The following C4orf33 variants were observed in gnomAD, a reference collection of about 807,000 sequenced individuals.
C4orf33 encodes UPF0462 protein C4orf33.
Under a neutral mutation model 24.3 loss-of-function variants are expected in C4orf33, and 20 were observed. That is an observed-to-expected ratio of 0.82 (90% CI 0.58 to 1.19). C4orf33 has a LOEUF of 1.19. Among genes scored for constraint, C4orf33 ranks in the 50% most tolerant of loss-of-function variants. The probability of loss-of-function intolerance (pLI) is 0.00; values close to 1 mark genes in which losing one functional copy is unlikely to be tolerated. For synonymous variants in C4orf33, 67 were observed against 76.4 expected (o/e 0.88, Z 0.64); for missense variants, 207 against 225.9 (o/e 0.92, Z 0.54).
intron 3 of C4orf33, among the ~76,000 whole-genome samples, chr4:129,107,826 GTTTTAA>G (rs1319812386): frequency 6.6e-6 from 1 of 151,846 alleles, no homozygotes; most frequent in Admixed American, 6.6e-5. Context: ...TTTGCCCTTA[GTTTTAA>G]TTTTATTAGA....
At chr4:129,103,003 A>G in intron 2 of C4orf33, 1 of 406,742 alleles carries the variant, frequency 2.5e-6, no homozygotes, top group Non-Finnish European at 4.3e-6. Flanking sequence ...AAAAATGGCA[A>G]TTACAAATCC....
chr4:129,106,801 CA>C (rs1753533036), intron 3 of C4orf33, among the ~76,000 whole-genome samples, 154 bp downstream of exon 3: 2 of 151,748 alleles, frequency 1.3e-5, no homozygotes, highest in East Asian at 3.9e-4. Context: ...TTCTTAGTTT[CA>C]AGTACAGAGC....
intron 3 of C4orf33, among the ~76,000 whole-genome samples, chr4:129,109,000 C>T (rs1341457241): frequency 6.6e-6 from 1 of 152,206 alleles, no homozygotes; most frequent in African/African-American, 2.4e-5. Flanking sequence ...GATTCCCCTG[C>T]CTCAGCCTCC....
Position 129,109,367 on chromosome 4 carries a change from A to G in C4orf33, c.294+9A>G, listed in dbSNP as rs780014520. ...GAAGAAATGTGTGGAAAGTAAGTAAATAAAAATAGGAGGCAAAATCATTAC... is the reference window on the plus strand; with the variant it reads ...GAAGAAATGTGTGGAAAGTAAGTAAGTAAAAATAGGAGGCAAAATCATTAC... On this transcript the variant is annotated intron_variant, in intron 4 of 5. Coordinates refer to ENST00000425929, the MANE Select transcript of C4orf33 (RefSeq NM_001099783.2). 5.1e-5 allele frequency: 83 copies of G among 1,613,278 alleles called. No homozygotes were observed. Among genetic ancestry groups the G allele is most frequent in the Middle Eastern group, 3.3e-4 (2 of 6,080 alleles).
At chr4:129,095,541 T>C (rs1639865710), upstream of C4orf33, among the ~76,000 whole-genome samples, 1 of 152,230 alleles carries the variant, frequency 6.6e-6, no homozygotes, top group South Asian at 2.1e-4. Flanking sequence ...TTAATGTTTT[T>C]ATATGACTTT....
In C4orf33 at chr4:129,112,584, A is replaced by T. The variant is rs1313537774; in HGVS notation, c.*793A>T. The T allele has an allele frequency of 6.6e-6, 1 of 152,142 alleles. No homozygotes were observed. The highest frequency in any genetic ancestry group is 1.5e-5 in the Non-Finnish European group (1 of 67,972). 9.4% of individuals were successfully genotyped at this position (152,142 alleles called of 1,614,324 possible). ...CTGCATATATTTGTCAACATTCCTC[A>T]TGCTGTATGTTTAGATTTGTGATTT... On this transcript the variant is annotated 3_prime_UTR_variant, in exon 6 of 6. Transcript: ENST00000425929.
rs1270312225 is a variant in C4orf33 at position 129,115,958 on chromosome 4, T to C, written c.*4167T>C. 1.3e-5 allele frequency: 2 copies of C among 150,868 alleles called. No individual in the cohort carries two copies. The highest frequency in any genetic ancestry group is 3.0e-5 in the Non-Finnish European group (2 of 67,726). 9.3% of individuals were successfully genotyped at this position (150,868 alleles called of 1,614,324 possible). ...CTACTCATTTTCTGATAATTTCTTATCTTAATTTGCTCTGAAAGAGCAAAA... is the reference window on the plus strand; with the variant it reads ...CTACTCATTTTCTGATAATTTCTTACCTTAATTTGCTCTGAAAGAGCAAAA... On this transcript the variant is annotated 3_prime_UTR_variant, in exon 6 of 6. Coordinates refer to ENST00000425929, the MANE Select transcript of C4orf33 (RefSeq NM_001099783.2).
In C4orf33 at chr4:129,116,332, C is replaced by T. The variant is rs936439762; in HGVS notation, c.*4541C>T. 1 of 152,180 alleles carries T rather than the reference C, an allele frequency of 6.6e-6. No homozygotes were observed. Among genetic ancestry groups the T allele is most frequent in the African/African-American group, 2.4e-5 (1 of 41,440 alleles). The allele number at this position is 152,180 out of a possible 1,614,324, so 9.4% of individuals were successfully genotyped here. A position where few individuals can be genotyped will look rare whatever the true frequency, so the allele number is the denominator to read the frequency against. Reference sequence around the variant, plus strand: ...ATTACAATGAAATAATATATAGCTACATCACTGGCTCCTGAGAGAGCTTTG... The same window carrying T: ...ATTACAATGAAATAATATATAGCTATATCACTGGCTCCTGAGAGAGCTTTG... On this transcript the variant is annotated 3_prime_UTR_variant, in exon 6 of 6. Coordinates refer to ENST00000425929, the MANE Select transcript of C4orf33 (RefSeq NM_001099783.2).
At chr4:129,095,110 G>GT (rs1753153174), upstream of C4orf33, among the ~76,000 whole-genome samples, 1 of 152,084 alleles carries the variant, frequency 6.6e-6, no homozygotes, top group Non-Finnish European at 1.5e-5. Context: ...GATCATGATA[G>GT]TTTTTTGTTT....
chr4:129,107,595 TTC>T (rs1435990753), intron 3 of C4orf33, among the ~76,000 whole-genome samples: 4 of 152,006 alleles, frequency 2.6e-5, no homozygotes, highest in African/African-American at 4.8e-5. Context: ...GCTGTTTGCG[TTC>T]TGTTTTTTAA....
At position 129,115,230 on chromosome 4, in the gene C4orf33, G is replaced by C. The variant is rs1167734038; in HGVS notation, c.*3439G>C. The C allele has an allele frequency of 1.3e-5, 2 of 152,306 alleles. No individual in the cohort carries two copies. Among genetic ancestry groups the C allele is most frequent in the East Asian group, 3.9e-4 (2 of 5,184 alleles). 9.4% of individuals were successfully genotyped at this position (152,306 alleles called of 1,614,324 possible). A position where few individuals can be genotyped will look rare whatever the true frequency, so the allele number is the denominator to read the frequency against. On this transcript the variant is annotated 3_prime_UTR_variant, in exon 6 of 6. Transcript: ENST00000425929. ...TTGGACTCAATGTGGAATGTGTGTG[G>C]CTCTGAGTGCTGCAAGGAGTGGACT...
At position 129,115,801 on chromosome 4, in the gene C4orf33, A is replaced by AATATAT. The variant is rs55749910; in HGVS notation, c.*4034_*4039dup. 5.5e-3 allele frequency: 495 copies of AATATAT among 90,196 alleles called. 5 individuals carry two copies. The highest frequency in any genetic ancestry group is 0.01 in the East Asian group (32 of 3,132). 5.6% of individuals were successfully genotyped at this position (90,196 alleles called of 1,614,324 possible). On this transcript the variant is annotated 3_prime_UTR_variant, in exon 6 of 6. Coordinates refer to ENST00000425929, the MANE Select transcript of C4orf33 (RefSeq NM_001099783.2). ...ATGTGCCTAACAAATCTTCTAACTA[A>AATATAT]ATATATATATATATATATATATATA...
chr4:129,109,890 C>G, intron 5 of C4orf33: 1 of 1,075,944 alleles, frequency 9.3e-7, no homozygotes, highest in South Asian at 2.0e-5. Context: ...CTTATTTTTC[C>G]ATAGTGGTAT....
At position 129,113,940 on chromosome 4, in the gene C4orf33, C is replaced by CA. The variant is rs1753736803; in HGVS notation, c.*2152dup. ...AGCCCTCAGCCCTTTTCTCATGCCT[C>CA]AAAGCTTAAGGATTGTCTCTTCTTT... On this transcript the variant is annotated 3_prime_UTR_variant, in exon 6 of 6. Coordinates refer to ENST00000425929, the MANE Select transcript of C4orf33 (RefSeq NM_001099783.2). The CA allele has an allele frequency of 1.3e-5, 2 of 152,144 alleles. No homozygotes were observed. Among genetic ancestry groups the CA allele is most frequent in the Admixed American group, 1.3e-4 (2 of 15,268 alleles). The allele number at this position is 152,144 out of a possible 1,614,324, so 9.4% of individuals were successfully genotyped here. A position where few individuals can be genotyped will look rare whatever the true frequency, so the allele number is the denominator to read the frequency against.
At chr4:129,099,673 C>G (rs1268144052) in intron 1 of C4orf33, among the ~76,000 whole-genome samples, 1 of 151,960 alleles carries the variant, frequency 6.6e-6, no homozygotes, top group East Asian at 1.9e-4. Flanking sequence ...GAGCGCTAGC[C>G]CAAGAGGTGA....
At position 129,114,981 on chromosome 4, in the gene C4orf33, G is replaced by C. The variant is rs1160567923; in HGVS notation, c.*3190G>C. Reference sequence around the variant, plus strand: ...AAGCAACTAAGGACTCTGACCCTTTGAGGATAAAGGTCTAGGTCACCTCAC... The same window carrying C: ...AAGCAACTAAGGACTCTGACCCTTTCAGGATAAAGGTCTAGGTCACCTCAC... On this transcript the variant is annotated 3_prime_UTR_variant, in exon 6 of 6. Coordinates refer to ENST00000425929, the MANE Select transcript of C4orf33 (RefSeq NM_001099783.2). 6.6e-6 allele frequency: 1 copy of C among 152,134 alleles called. No individual in the cohort carries two copies. The highest frequency in any genetic ancestry group is 1.5e-5 in the Non-Finnish European group (1 of 68,032). The allele number at this position is 152,134 out of a possible 1,614,324, so 9.4% of individuals were successfully genotyped here.
chr4:129,108,114 T>C (rs1231823942), intron 3 of C4orf33, among the ~76,000 whole-genome samples: 1 of 152,052 alleles, frequency 6.6e-6, no homozygotes, highest in Non-Finnish European at 1.5e-5. Flanking sequence ...TGCAAGAATT[T>C]TTACTCCTAG....
chr4:129,109,521 G>A lies in C4orf33; in HGVS notation c.343G>A (p.Glu115Lys). The change falls in exon 5 of 6, where the codon GAA becomes AAA. Residue 115 changes from glutamate to lysine, a missense_variant. Physicochemically the swap from Glu to Lys is moderately conservative, Grantham distance 56. Transcript: ENST00000425929. The stretch of plus-strand genomic sequence containing the variant: ...AATGTCCAGAGGAGAGACAAAATGG[G>A]AAGGCAAAGCTTATCTCCCTTGGAG... ...FRMSRGETKW[E>K]GKAYLPWSYF... 6.2e-7 allele frequency: 1 copy of A among 1,613,954 alleles called. No individual in the cohort carries two copies. Among genetic ancestry groups the A allele is most frequent in the Non-Finnish European group, 8.5e-7 (1 of 1,179,836 alleles).
Position 129,111,767 on chromosome 4 carries a change from G to T in C4orf33, c.576G>T (p.Trp192Cys). 6.2e-7 allele frequency: 1 copy of T among 1,609,086 alleles called. No individual in the cohort carries two copies. The highest frequency in any genetic ancestry group is 1.1e-5 in the South Asian group (1 of 90,784). ...EEWKQPESDLWLIEKCDI is the reference protein window; with the variant it reads ...EEWKQPESDLCLIEKCDI ...GGAAACAACCGGAATCAGACCTGTG[G>T]CTAATAGAGAAATGTGATATATAGG... Residue 192 changes from tryptophan (W) to cysteine (C), a missense_variant, in exon 6 of 6, where the codon TGG (tryptophan) becomes TGT (cysteine). Transcript: ENST00000425929.
Sources: gnomAD v4.1 joint callset for allele counts (sites outside exome capture counted in the v4.1 genomes callset) on GRCh38, gnomAD v4.1.1 for gene constraint, MANE v1.5 for transcripts, NCBI Gene and HGNC (gene_info 2026-07-23, HGNC 2026-07-21) for gene names.